ZNF254: variants seen among roughly 807,000 people sequenced by gnomAD.
ZNF254 encodes CTD-2017D11.1.
A neutral mutation model predicts 12.4 loss-of-function variants in ZNF254; 10 were observed. That is an observed-to-expected ratio of 0.80 (90% confidence interval 0.50 to 1.36). ZNF254 has a LOEUF of 1.36. ZNF254 is among the 40% of genes most tolerant of loss of function. The probability of loss-of-function intolerance (pLI) is 0.00; values close to 1 mark genes in which losing one functional copy is unlikely to be tolerated. For missense variants in ZNF254, 996 were observed against 763.9 expected, an observed-to-expected ratio of 1.30 and a Z score of -3.58; for synonymous variants, 305 against 253.4, an observed-to-expected ratio of 1.20 and a Z score of -1.93.
intron 3 of ZNF254, among the ~76,000 whole-genome samples, chr19:24,122,923 T>C (rs560203860): frequency 9.3e-4 from 142 of 152,364 alleles, no homozygotes; most frequent in African/African-American, 3.3e-3. Flanking sequence ...TACCAAATTG[T>C]TTTAATTCTG....
intron 2 of ZNF254, chr19:24,065,374 T>G (rs1599628736): frequency 1.3e-5 from 2 of 152,260 alleles, no homozygotes; most frequent in East Asian, 3.9e-4. Context: ...TGACTCTCCT[T>G]GCTGGTGCAT....
At chr19:24,054,871 A>C (rs1970779770) in intron 2 of ZNF254, among the ~76,000 whole-genome samples, 1 of 152,098 alleles carries the variant, frequency 6.6e-6, no homozygotes, top group African/African-American at 2.4e-5. Context: ...TTTTAGAGTA[A>C]ATTGTGCCTC....
intron 1 of ZNF254, among the ~76,000 whole-genome samples, chr19:24,095,949 G>A (rs1284146506): frequency 1.3e-5 from 2 of 151,156 alleles, no homozygotes; most frequent in Non-Finnish European, 2.9e-5. Flanking sequence ...ATATCAGGTT[G>A]TAAAATGAAG....
chr19:24,110,223 A>C (rs550563940), intron 3 of ZNF254, among the ~76,000 whole-genome samples: 145 of 152,302 alleles, frequency 9.5e-4, no homozygotes, highest in Non-Finnish European at 1.1e-3. Flanking sequence ...ATTGTTGTAA[A>C]AACACTTAGC....
intron 2 of ZNF254, among the ~76,000 whole-genome samples, chr19:24,047,830 G>T (rs565651767): frequency 1.9e-3 from 285 of 150,590 alleles, no homozygotes; most frequent in Middle Eastern, 0.014. Flanking sequence ...TGGGATTATA[G>T]ACATGTGCCG....
At chr19:24,118,407 C>T (rs1260168761) in intron 3 of ZNF254, among the ~76,000 whole-genome samples, 1 of 151,972 alleles carries the variant, frequency 6.6e-6, no homozygotes, top group Admixed American at 6.6e-5. Context: ...TGATAGTGGT[C>T]ATTTAAATGG....
At chr19:24,057,117 A>G (rs1466845070) in intron 2 of ZNF254, among the ~76,000 whole-genome samples, 1 of 152,218 alleles carries the variant, frequency 6.6e-6, no homozygotes, top group African/African-American at 2.4e-5. Flanking sequence ...ACTCTCTCAC[A>G]TATTGTATAA....
intron 3 of ZNF254, among the ~76,000 whole-genome samples, chr19:24,120,240 T>C (rs1316566445): frequency 6.6e-6 from 1 of 152,154 alleles, no homozygotes; most frequent in Non-Finnish European, 1.5e-5. Context: ...GCCCCCATGA[T>C]TCAATTACCT....
chr19:24,076,308 G>A (rs1215718029), intron 2 of ZNF254, among the ~76,000 whole-genome samples: 3 of 152,180 alleles, frequency 2.0e-5, no homozygotes, highest in South Asian at 2.1e-4. Context: ...ACTAATAAAT[G>A]TCCATGAAAT....
At chr19:24,068,656 G>A (rs76920391) in intron 2 of ZNF254, among the ~76,000 whole-genome samples, 5 of 152,102 alleles carry the variant, frequency 3.3e-5, no homozygotes, top group Non-Finnish European at 5.9e-5. Flanking sequence ...CAAGAACCTA[G>A]ATGATGTGAT....
chr19:24,120,507 A>C (rs986037894), intron 3 of ZNF254, among the ~76,000 whole-genome samples: 1 of 152,086 alleles, frequency 6.6e-6, no homozygotes, highest in Admixed American at 6.6e-5. Flanking sequence ...AAGAGCTTTA[A>C]GGGTTTTATG....
rs567564295 is a variant in ZNF254 at position 24,119,342 on chromosome 19, C to T, written c.254-6912C>T. On this transcript the variant is annotated intron_variant, in intron 3 of 3. Transcript: ENST00000357002. The stretch of plus-strand genomic sequence containing the variant: ...AAGCAGCTGGGACTACAGGTGTGTG[C>T]GACCATGCCTGGCGAATTTTTGCAT... Among the ~76,000 whole-genome samples the T allele has an allele frequency of 5.3e-5, 8 of 151,922 alleles. 1 individual carries two copies. The highest frequency in any genetic ancestry group is 1.9e-4 in the East Asian group (1 of 5,132).
rs1355644862 is a variant in ZNF254, at chr19:24,061,194, G to C, written c.-94+14915G>C. Among the ~76,000 whole-genome samples the C allele has an allele frequency of 2.6e-5, 4 of 151,032 alleles. No homozygotes were observed. In the East Asian group the frequency reaches 5.8e-4, roughly 22 times the overall value. On this transcript the variant is annotated intron_variant, in intron 2 of 4. Transcript: ENST00000613065. ...GTGATTCAACTCTCTCACATGGACC[G>C]TGAGCATGGGGTTATTGAGACATTT... is the stretch of plus-strand genomic sequence containing the variant.
chr19:24,061,664 G>T (rs1971071981), intron 2 of ZNF254, among the ~76,000 whole-genome samples: 1 of 152,154 alleles, frequency 6.6e-6, no homozygotes, highest in African/African-American at 2.4e-5. Context: ...CTCCTGGGTG[G>T]TTTGTGCCAA....
rs200269352 is a variant in ZNF254 at position 24,102,389 on chromosome 19, G to GT, written c.31-3539dup. ...AAATTACACAAACTCTGAGATTTAA[G>GT]TTTTTTTTTTTTCTTTTAGGTAAGC... On this transcript the variant is annotated intron_variant, in intron 1 of 3. Transcript: ENST00000357002. Among the ~76,000 whole-genome samples, 1,236 of 141,176 alleles carry GT rather than the reference G, an allele frequency of 8.8e-3. 12 individuals are homozygous for GT. Among genetic ancestry groups the GT allele is most frequent in the East Asian group, 0.04 (195 of 4,836 alleles). The allele number at this position is 141,176 out of a possible 152,430, so 92.6% of individuals were successfully genotyped here. A position where few individuals can be genotyped will look rare whatever the true frequency, so the allele number is the denominator to read the frequency against.
Position 24,105,837 on chromosome 19 carries a change from T to A in ZNF254, c.31-103T>A. ...TATTGGATAATTTCAATCACTCTTA[T>A]AAGTCAGAACCAGTTCTATTTACTC... On this transcript the variant is annotated intron_variant, in intron 1 of 3. Coordinates refer to ENST00000357002, the MANE Select transcript of ZNF254 (RefSeq NM_203282.4). 3 of 1,491,512 alleles carry A rather than the reference T, an allele frequency of 2.0e-6. No homozygotes were observed. In the South Asian group the frequency reaches 3.5e-5, roughly 17 times the overall value. The allele number at this position is 1,491,512 out of a possible 1,614,324, so 92.4% of individuals were successfully genotyped here.
intron 2 of ZNF254, among the ~76,000 whole-genome samples, chr19:24,059,549 A>G (rs1050227287): frequency 6.6e-6 from 1 of 152,102 alleles, no homozygotes; most frequent in Admixed American, 6.6e-5. Context: ...AATATTCCCA[A>G]AAAGAGAGTT....
At chr19:24,125,684 C>T (rs1974785989) in intron 3 of ZNF254, among the ~76,000 whole-genome samples, 1 of 152,152 alleles carries the variant, frequency 6.6e-6, no homozygotes. Flanking sequence ...TAATTTGTAG[C>T]GTCATCACTT....
At chr19:24,038,457 T>A (rs1042052721) in intron 1 of ZNF254, among the ~76,000 whole-genome samples, 5 of 152,238 alleles carry the variant, frequency 3.3e-5, no homozygotes, top group Non-Finnish European at 5.9e-5. Context: ...CTTAGCAGTT[T>A]GCTTATAATG....
Sources: gnomAD v4.1 joint callset for allele counts (sites outside exome capture counted in the v4.1 genomes callset) on GRCh38, gnomAD v4.1.1 for gene constraint, MANE v1.5 for transcripts, NCBI Gene and HGNC (gene_info 2026-07-23, HGNC 2026-07-21) for gene names.